The following DAB1 variants were observed in gnomAD, a reference collection of about 807,000 sequenced individuals.
DAB1 encodes the protein disabled homolog 1.
In DAB1, 15 loss-of-function variants were observed where a neutral mutation model predicts 64.6. That is an observed-to-expected ratio of 0.23 (90% CI 0.16 to 0.36). The LOEUF is 0.36. Among genes scored for constraint, DAB1 ranks in the 10% least tolerant of loss-of-function variants. DAB1 has a pLI of 1.00. For synonymous variants in DAB1, 235 were observed against 251.9 expected (o/e 0.93, Z 0.64); for missense variants, 596 against 706.7 (o/e 0.84, Z 1.78).
chr1:57,305,115 A>G (rs1026468259), intron 1 of DAB1, among the ~76,000 whole-genome samples: 5 of 152,206 alleles, frequency 3.3e-5, no homozygotes, highest in African/African-American at 1.2e-4. Context: ...TAATATTTAC[A>G]CGTGAGTGGG....
chr1:57,971,032 C>T (rs1056034256), intron 5 of DAB1, among the ~76,000 whole-genome samples: 1 of 152,174 alleles, frequency 6.6e-6, no homozygotes, highest in Non-Finnish European at 1.5e-5. Flanking sequence ...TCAGTTTGAT[C>T]CTCATGACAG....
chr1:57,253,724 T>C lies in DAB1; in HGVS notation c.67+37240A>G, dbSNP rs565794039. Reference sequence around the variant, plus strand: ...TGTATCTATTTTTCATAGAAAACTTTCTTGTGTCAAAAATCTTATTACAAC... The same window carrying C: ...TGTATCTATTTTTCATAGAAAACTTCCTTGTGTCAAAAATCTTATTACAAC... On this transcript the variant is annotated intron_variant, in intron 2 of 14. Transcript: ENST00000371236. Among the ~76,000 whole-genome samples, 5 of 152,298 alleles carry C rather than the reference T, an allele frequency of 3.3e-5. No homozygotes were observed. The South Asian group carries it at 6.2e-4, about 19-fold the overall frequency.
At chr1:57,429,115 A>T (rs1024905535) in intron 7 of DAB1, among the ~76,000 whole-genome samples, 1 of 152,016 alleles carries the variant, frequency 6.6e-6, no homozygotes, top group African/African-American at 2.4e-5. Context: ...AGGTCTCCCT[A>T]TGTTTTTCAC....
chr1:58,227,578 C>T (rs896026055), intron 4 of DAB1, among the ~76,000 whole-genome samples: 1 of 152,162 alleles, frequency 6.6e-6, no homozygotes, highest in African/African-American at 2.4e-5. Context: ...TCTCCTCTAG[C>T]ATGTAGCTCA....
intron 4 of DAB1, among the ~76,000 whole-genome samples, chr1:58,281,004 G>A (rs1661549181): frequency 6.6e-6 from 1 of 152,184 alleles, no homozygotes; most frequent in Non-Finnish European, 1.5e-5. Context: ...GCAGAGAGGA[G>A]AGGAGCATTC....
chr1:57,758,399 G>A (rs61768391), intron 6 of DAB1, among the ~76,000 whole-genome samples: 11 of 152,170 alleles, frequency 7.2e-5, no homozygotes, highest in African/African-American at 2.7e-4. Context: ...GGCCTAACTT[G>A]GGGAAAAGAA....
intron 6 of DAB1, among the ~76,000 whole-genome samples, chr1:57,812,319 CAA>C (rs67005172): frequency 0.011 from 1,157 of 101,142 alleles, 7 homozygotes; most frequent in South Asian, 0.038. Context: ...GATTCATTGC[CAA>C]AAAAAAAAAA....
At chr1:58,223,305 C>A (rs779540571) in intron 4 of DAB1, among the ~76,000 whole-genome samples, 1 of 152,212 alleles carries the variant, frequency 6.6e-6, no homozygotes, top group Non-Finnish European at 1.5e-5. Context: ...AGAGAAAATT[C>A]TCCTGTCTCT....
chr1:57,363,624 AG>A (rs1350892810), intron 1 of DAB1, among the ~76,000 whole-genome samples: 1 of 152,184 alleles, frequency 6.6e-6, no homozygotes, highest in Non-Finnish European at 1.5e-5. Flanking sequence ...AATAAATATT[AG>A]GGACTCCTCT....
At chr1:57,612,195 T>TTGTGTGTGTGTGTGTGTGTG (rs58605325) in intron 7 of DAB1, among the ~76,000 whole-genome samples, 1 of 149,556 alleles carries the variant, frequency 6.7e-6, no homozygotes, top group South Asian at 2.1e-4. Context: ...TGGCATGATC[T>TTGTGTGTGTGTGTGTGTGTG]TGTGTGTGTG....
chr1:58,534,168 A>G (rs1337656782), intron 1 of DAB1: 1 of 871,144 alleles, frequency 1.1e-6, no homozygotes, highest in African/African-American at 1.6e-5. Context: ...TGGAAGCACG[A>G]AGGCATTAAT....
chr1:57,781,009 T>C (rs1650042365), intron 6 of DAB1, among the ~76,000 whole-genome samples: 2 of 151,264 alleles, frequency 1.3e-5, no homozygotes, highest in Non-Finnish European at 2.9e-5. Context: ...ATTACAGGCA[T>C]AAGCCACCGC....
At position 57,564,804 on chromosome 1, in the gene DAB1, T is replaced by C. The variant is rs1472992206; in HGVS notation, n.625+84788A>G. 2.0e-5 allele frequency among the ~76,000 whole-genome samples: 3 copies of C among 152,330 alleles called. 1 individual carries two copies. The highest frequency in any genetic ancestry group is 6.8e-3 in the Middle Eastern group (2 of 294). On this transcript the variant is annotated intron_variant and non_coding_transcript_variant, in intron 7 of 20. Coordinates refer to the DAB1 transcript ENST00000485760. ...AGACCAAATCTACGTCCAACTGGTG[T>C]ACCTGAAAGTGACAAGGAGAATGGA...
At chr1:58,000,986 C>G (rs1350153363) in intron 5 of DAB1, among the ~76,000 whole-genome samples, 1 of 151,972 alleles carries the variant, frequency 6.6e-6, no homozygotes, top group East Asian at 1.9e-4. Flanking sequence ...CCTTGTTCTC[C>G]CTACCTACCC....
At chr1:58,006,277 G>A (rs1646581559) in intron 5 of DAB1, among the ~76,000 whole-genome samples, 1 of 152,140 alleles carries the variant, frequency 6.6e-6, no homozygotes, top group South Asian at 2.1e-4. Context: ...TTGAGTGACT[G>A]GCAAGTTACT....
chr1:57,173,525 T>C lies in DAB1; in HGVS notation c.68-28096A>G, dbSNP rs530426132. On this transcript the variant is annotated intron_variant, in intron 2 of 14. Transcript: ENST00000371236. ...AATATCTCCTATGTATATGCAAATA[T>C]TCCAAAATCCAAAAACATCTGAAAC... Among the ~76,000 whole-genome samples, 10 of 152,328 alleles carry C rather than the reference T, an allele frequency of 6.6e-5. No homozygotes were observed. In the South Asian group the frequency reaches 2.1e-3, roughly 32 times the overall value.
intron 1 of DAB1, among the ~76,000 whole-genome samples, chr1:57,321,013 C>T (rs183588143): frequency 6.6e-6 from 1 of 152,208 alleles, no homozygotes; most frequent in East Asian, 1.9e-4. Context: ...GAGATTAATA[C>T]AGCTTAAAAA....
intron 3 of DAB1, among the ~76,000 whole-genome samples, chr1:58,376,949 C>G (rs1644333914): frequency 9.8e-6 from 1 of 102,070 alleles, no homozygotes; most frequent in Non-Finnish European, 2.0e-5. Flanking sequence ...TTCTTTGTCT[C>G]TTTTGATCTT....
chr1:57,087,555 C>T (rs1030113952), intron 4 of DAB1, among the ~76,000 whole-genome samples: 2 of 152,268 alleles, frequency 1.3e-5, no homozygotes, highest in Non-Finnish European at 1.5e-5. Flanking sequence ...ATCTGTAGGG[C>T]CCTTCCATAT....
Sources: allele counts gnomAD v4.1 joint callset (sites outside exome capture counted in the v4.1 genomes callset), GRCh38; gene constraint gnomAD v4.1.1; transcripts MANE v1.5; gene names NCBI Gene and HGNC (gene_info 2026-07-23, HGNC 2026-07-21).